Variants in CTTN observed in about 807,000 individuals in gnomAD.
The protein encoded by CTTN is src substrate cortactin.
CTTN carries 28 observed loss-of-function variants against 84.0 expected under a neutral mutation model. That is an observed-to-expected ratio of 0.33 (90% CI 0.25 to 0.46). CTTN has a LOEUF of 0.46. Ranked by LOEUF, CTTN falls within the 20% of genes least tolerant of loss-of-function variation. The pLI is 1.00. For missense variants in CTTN, 641 were observed against 723.8 expected (o/e 0.89, Z 1.31); for synonymous variants, 301 against 288.8 (o/e 1.04, Z -0.43).
At chr11:70,434,125 G>T (rs964175306) in intron 17 of CTTN, among the ~76,000 whole-genome samples, 5 of 152,226 alleles carry the variant, frequency 3.3e-5, no homozygotes, top group South Asian at 2.1e-4. Flanking sequence ...GCCAGCTCCC[G>T]TGTGGCCTGC....
intron 13 of CTTN, among the ~76,000 whole-genome samples, chr11:70,428,259 A>G (rs1390662944): frequency 3.6e-5 from 5 of 140,150 alleles, no homozygotes; most frequent in African/African-American, 1.1e-4. Context: ...CCTGCCTCCC[A>G]GGTTCAAGCG....
intron 5 of CTTN, among the ~76,000 whole-genome samples, chr11:70,413,650 C>T (rs1468988662): frequency 6.6e-6 from 1 of 152,124 alleles, no homozygotes; most frequent in African/African-American, 2.4e-5. Flanking sequence ...GGTCCCCAAA[C>T]CTGTGTGCGC....
intron 8 of CTTN, among the ~76,000 whole-genome samples, chr11:70,417,840 C>G (rs2058182141): frequency 6.6e-6 from 1 of 152,154 alleles, no homozygotes; most frequent in African/African-American, 2.4e-5. Context: ...GTTTTGTTCA[C>G]AAGTGATTAT....
intron 7 of CTTN, chr11:70,416,712 G>A: frequency 3.5e-6 from 1 of 286,070 alleles, no homozygotes; most frequent in Non-Finnish European, 6.7e-6. Flanking sequence ...TTCTTTGTAT[G>A]AAGCTTTCCA....
intron 1 of CTTN, among the ~76,000 whole-genome samples, chr11:70,399,850 C>CG (rs1007923422): frequency 2.6e-5 from 4 of 152,228 alleles, no homozygotes; most frequent in South Asian, 2.1e-4. Context: ...CAGGCTCTGT[C>CG]GGGGGGACTT....
intron 2 of CTTN, 82 bp from the exon 3 acceptor site, chr11:70,407,216 A>G: frequency 1.1e-5 from 12 of 1,122,090 alleles, no homozygotes; most frequent in Middle Eastern, 2.9e-4. Flanking sequence ...GAATCTCGGT[A>G]GTTTTGGCCA....
At chr11:70,402,502 G>A (rs1229268925) in intron 1 of CTTN, among the ~76,000 whole-genome samples, 1 of 152,112 alleles carries the variant, frequency 6.6e-6, no homozygotes, top group Non-Finnish European at 1.5e-5. Flanking sequence ...ACCACCATCC[G>A]CCCAGCCCTG....
intron 10 of CTTN, 55 bp from the exon 11 acceptor site, chr11:70,421,415 C>G (rs2058234928): frequency 7.8e-7 from 1 of 1,283,082 alleles, no homozygotes; most frequent in Non-Finnish European, 1.1e-6. Context: ...CAATTCTAAC[C>G]CAACTGTGTT....
chr11:70,429,185 A>C lies in CTTN; in HGVS notation c.1162A>C (p.Arg388=). ...AKERQEQEEA[R]RKLEEQARAK... ...GGAGCGGCAGGAGCAGGAAGAGGCC[A>C]GGAGGAAGCTGGAGGTGAGTGGCAA... The change falls in exon 14 of 18, where the codon AGG becomes CGG. Residue 388 remains arginine (R), a synonymous_variant. Transcript: ENST00000301843. 1 of 1,612,852 alleles carries C rather than the reference A, an allele frequency of 6.2e-7. No homozygotes were observed. The highest frequency in any genetic ancestry group is 8.5e-7 in the Non-Finnish European group (1 of 1,179,762).
intron 12 of CTTN, 36 bp from the exon 13 acceptor site, chr11:70,425,296 A>G (rs1282972156): frequency 8.3e-6 from 13 of 1,569,344 alleles, no homozygotes; most frequent in South Asian, 1.1e-5. Flanking sequence ...GAAAAGAGAA[A>G]AGTGCTCTCC....
intron 1 of CTTN, 85 bp from the exon 2 acceptor site, chr11:70,405,175 TTTCTA>T (rs1303727456): frequency 6.6e-6 from 1 of 152,166 alleles, no homozygotes; most frequent in African/African-American, 2.4e-5. Context: ...TTTCTGAAGT[TTTCTA>T]AAAAGATCTC....
rs111380669 is a variant in CTTN, at chr11:70,435,175, C to G, written c.*13C>G. On this transcript the variant is annotated 3_prime_UTR_variant, in exon 18 of 18. Transcript: ENST00000301843. ...GCTGCGGCAGTAGGGCCCCCAGCCC[C>G]CCCCCGGAGCTGCGCCCTGGATCCT... 1.2e-4 allele frequency: 193 copies of G among 1,600,090 alleles called. No individual in the cohort carries two copies. The highest frequency in any genetic ancestry group is 2.9e-4 in the Admixed American group (17 of 59,070).
At chr11:70,424,868 A>G (rs967212827) in intron 12 of CTTN, among the ~76,000 whole-genome samples, 1 of 152,120 alleles carries the variant, frequency 6.6e-6, no homozygotes, top group African/African-American at 2.4e-5. Flanking sequence ...TCTCCACCTG[A>G]GTCAGCACGT....
chr11:70,400,417 G>A (rs183642014), intron 1 of CTTN, among the ~76,000 whole-genome samples: 73 of 152,066 alleles, frequency 4.8e-4, no homozygotes, highest in African/African-American at 1.6e-3. Flanking sequence ...GAGCTCGATC[G>A]CACCACTGTA....
chr11:70,415,983 C>T, intron 7 of CTTN: 1 of 430,358 alleles, frequency 2.3e-6, no homozygotes, highest in Non-Finnish European at 4.2e-6. Flanking sequence ...CATTGTGGGG[C>T]TTCTCCCCCT....
chr11:70,413,118 G>A (rs532480659), intron 5 of CTTN, among the ~76,000 whole-genome samples: 4 of 152,348 alleles, frequency 2.6e-5, no homozygotes, highest in Middle Eastern at 3.4e-3. Context: ...AGAAGAGGGC[G>A]CAGCACAGGC....
chr11:70,413,132 A>C lies in CTTN; in HGVS notation c.292-1410A>C, dbSNP rs551179872. 2.6e-5 allele frequency among the ~76,000 whole-genome samples: 4 copies of C among 152,360 alleles called. No individual in the cohort carries two copies. The South Asian group carries it at 8.3e-4, about 32-fold the overall frequency. ...AAGAAGAGGGCGCAGCACAGGCCCA[A>C]GGCTTAGGGCAAGACCTGCTTTTTC... On this transcript the variant is annotated intron_variant, in intron 5 of 17. Coordinates refer to ENST00000301843, the MANE Select transcript of CTTN (RefSeq NM_005231.4).
intron 17 of CTTN, among the ~76,000 whole-genome samples, chr11:70,434,585 A>G (rs760225177): frequency 5.9e-5 from 9 of 152,238 alleles, no homozygotes; most frequent in Non-Finnish European, 2.9e-5. Context: ...GTGGATTCTC[A>G]TCACCGTGGC....
Position 70,435,401 on chromosome 11 carries a change from G to A in CTTN, c.*239G>A. The A allele has an allele frequency of 6.7e-7, 1 of 1,497,242 alleles. No homozygotes were observed. The highest frequency in any genetic ancestry group is 8.8e-7 in the Non-Finnish European group (1 of 1,133,982). The allele number at this position is 1,497,242 out of a possible 1,614,324, so 92.7% of individuals were successfully genotyped here. ...AATCACATTCCTTAGGAGGACTTTG[G>A]TAATTGGTTTTATGCATTGATGGTT... is the stretch of plus-strand genomic sequence containing the variant. On this transcript the variant is annotated 3_prime_UTR_variant, in exon 18 of 18. Transcript: ENST00000301843.
Sources: gnomAD v4.1 joint callset for allele counts (sites outside exome capture counted in the v4.1 genomes callset) on GRCh38, gnomAD v4.1.1 for gene constraint, MANE v1.5 for transcripts, NCBI Gene and HGNC (gene_info 2026-07-23, HGNC 2026-07-21) for gene names.